The following CLBA1 variants were observed in gnomAD, a reference collection of about 807,000 sequenced individuals.
The protein encoded by CLBA1 is clathrin binding box of aftiphilin containing 1.
CLBA1 carries 30 observed loss-of-function variants against 28.8 expected under a neutral mutation model. The observed-to-expected ratio is 1.04, with a 90% CI of 0.78 to 1.41. The LOEUF is 1.41. Among genes scored for constraint, CLBA1 ranks in the 40% most tolerant of loss-of-function variants. CLBA1 has a pLI of 0.00. For missense variants in CLBA1, 451 were observed against 412.3 expected (o/e 1.09, Z -0.81); for synonymous variants, 160 against 152.8 (o/e 1.05, Z -0.35).
Position 104,986,626 on chromosome 14 carries a change from T to C in CLBA1, c.195T>C (p.Thr65=). Residue 65 remains threonine (T), a synonymous_variant, in exon 1 of 5, where the codon ACT becomes ACC. Coordinates refer to ENST00000547315, the MANE Select transcript of CLBA1 (RefSeq NM_174891.4). ...SMPREGGSTC[T]ARCPDPGEHS... ...CCCGTGAGGGCGGTTCCACCTGCAC[T>C]GCCCGATGTCCTGACCCTGGGGAAC... The C allele has an allele frequency of 1.2e-6, 2 of 1,614,080 alleles. No homozygotes were observed. The highest frequency in any genetic ancestry group is 1.7e-6 in the Non-Finnish European group (2 of 1,180,006).
chr14:104,986,674 T>G lies in CLBA1; in HGVS notation c.243T>G (p.Phe81Leu). The G allele has an allele frequency of 6.2e-7, 1 of 1,614,022 alleles. No individual in the cohort carries two copies. The highest frequency in any genetic ancestry group is 8.5e-7 in the Non-Finnish European group (1 of 1,179,990). ...AACACAGCAGCACTTGGGGGGAGTTTGAAGGCTTTCGGGAATCTTCAGCCA... is the reference window on the plus strand; with the variant it reads ...AACACAGCAGCACTTGGGGGGAGTTGGAAGGCTTTCGGGAATCTTCAGCCA... ...PGEHSSTWGE[F>L]EGFRESSAKS... The change falls in exon 1 of 5, where the codon TTT becomes TTG. Residue 81 changes from phenylalanine (F) to leucine (L), a missense_variant. Physicochemically the swap from Phe to Leu is conservative, Grantham distance 22. Coordinates refer to ENST00000547315, the MANE Select transcript of CLBA1 (RefSeq NM_174891.4).
chr14:104,987,898 A>C (rs1214549377), intron 1 of CLBA1, among the ~76,000 whole-genome samples: 2 of 151,698 alleles, frequency 1.3e-5, no homozygotes, highest in Non-Finnish European at 2.9e-5. Context: ...CGGCCTCTCA[A>C]AGTGCTGGGA....
At chr14:104,998,289 C>G (rs973404067), downstream of CLBA1, among the ~76,000 whole-genome samples, 2 of 151,924 alleles carry the variant, frequency 1.3e-5, no homozygotes, top group African/African-American at 4.8e-5. Context: ...TGGCGCTCAC[C>G]TGCAGTCCCA....
downstream of CLBA1, among the ~76,000 whole-genome samples, chr14:105,000,511 A>T (rs958380140): frequency 3.9e-5 from 6 of 152,126 alleles, no homozygotes; most frequent in Non-Finnish European, 8.8e-5. Flanking sequence ...ACCTCAGGTG[A>T]TCCACCTGCC....
rs1019733063 is a variant in CLBA1 at position 104,985,811 on chromosome 14, G to A, written c.-621G>A. 1 of 300,496 alleles carries A rather than the reference G, an allele frequency of 3.3e-6. No individual in the cohort carries two copies. Among genetic ancestry groups the A allele is most frequent in the Non-Finnish European group, 6.9e-6 (1 of 145,428 alleles). 18.6% of individuals were successfully genotyped at this position (300,496 alleles called of 1,614,324 possible). On this transcript the variant is annotated 5_prime_UTR_variant, in exon 1 of 5. Transcript: ENST00000547315. ...CCAGGCAACGGGGCGGCGCAGGCAG[G>A]AGGGAACGGCTGGTTGCAGGTTTCT...
intron 3 of CLBA1, among the ~76,000 whole-genome samples, chr14:104,992,195 CCA>C (rs1390501725): frequency 1.3e-5 from 2 of 149,132 alleles, no homozygotes; most frequent in African/African-American, 5.0e-5. Flanking sequence ...GCCACGGCCA[CCA>C]CTCACACGCC....
downstream of CLBA1, among the ~76,000 whole-genome samples, chr14:104,997,350 G>A (rs1376653940): frequency 6.6e-6 from 1 of 152,222 alleles, no homozygotes; most frequent in Non-Finnish European, 1.5e-5. Flanking sequence ...AGACGACAGA[G>A]GGTCCAAGAT....
intron 1 of CLBA1, 68 bp downstream of exon 1, chr14:104,986,922 C>A: frequency 1.3e-6 from 2 of 1,540,208 alleles, no homozygotes; most frequent in South Asian, 2.4e-5. Context: ...CTACAGCCCT[C>A]GAATGCTGTG....
chr14:104,986,520 G>T lies in CLBA1; in HGVS notation c.89G>T (p.Arg30Met). ...GCTTCCCTCCGAGTGGCACCTGAGA[G>T]GCTGAGTGATGACAGTTTGGAATGG... ...ASASLRVAPERLSDDSLEWRR... is the reference protein window; with the variant it reads ...ASASLRVAPEMLSDDSLEWRR... Residue 30 changes from arginine (R) to methionine (M), a missense_variant, in exon 1 of 5, where the codon AGG becomes ATG. By Grantham distance (91) the Arg-to-Met change is moderately conservative (BLOSUM62 -1). Transcript: ENST00000547315. 6.2e-7 allele frequency: 1 copy of T among 1,613,924 alleles called. No individual in the cohort carries two copies. The highest frequency in any genetic ancestry group is 8.5e-7 in the Non-Finnish European group (1 of 1,180,024).
At chr14:104,992,167 TGCC>T (rs1566933442) in intron 3 of CLBA1, among the ~76,000 whole-genome samples, 2 of 131,078 alleles carry the variant, frequency 1.5e-5, no homozygotes, top group African/African-American at 6.0e-5. Flanking sequence ...CACCACCACA[TGCC>T]ACCATGCACA....
intron 1 of CLBA1, among the ~76,000 whole-genome samples, chr14:104,988,326 G>C (rs560751961): frequency 6.4e-4 from 93 of 144,974 alleles, no homozygotes; most frequent in African/African-American, 2.3e-3. Context: ...ACTGTAGTAT[G>C]TATAATTTCT....
intron 4 of CLBA1, chr14:104,993,834 T>C: frequency 4.1e-6 from 4 of 985,394 alleles, no homozygotes; most frequent in Non-Finnish European, 4.8e-6. Context: ...GCTGTGAGCA[T>C]GAAGAGTGAC....
At position 104,995,194 on chromosome 14, in the gene CLBA1, C is replaced by T. The variant is rs73363354; in HGVS notation, c.*435C>T. Reference sequence around the variant, plus strand: ...TCACCAGAGAGACAGCTGTTGAGACCGCTCAGAAACCCTCTGTCTGTCACA... The same window carrying T: ...TCACCAGAGAGACAGCTGTTGAGACTGCTCAGAAACCCTCTGTCTGTCACA... On this transcript the variant is annotated 3_prime_UTR_variant, in exon 5 of 5. Transcript: ENST00000547315. 1,756 of 987,326 alleles carry T rather than the reference C, an allele frequency of 1.8e-3. 27 individuals are homozygous for T. In the African/African-American group the frequency reaches 0.028, roughly 16 times the overall value. The allele number at this position is 987,326 out of a possible 1,614,324, so 61.2% of individuals were successfully genotyped here.
At position 104,986,643 on chromosome 14, in the gene CLBA1, C is replaced by T. The variant is rs1044489206; in HGVS notation, c.212C>T (p.Pro71Leu). 1.2e-6 allele frequency: 2 copies of T among 1,613,966 alleles called. No individual in the cohort carries two copies. Among genetic ancestry groups the T allele is most frequent in the African/African-American group, 1.3e-5 (1 of 74,912 alleles). Residue 71 changes from proline to leucine, a missense_variant, in exon 1 of 5, where the codon CCT becomes CTT. Transcript: ENST00000547315. ...ACCTGCACTGCCCGATGTCCTGACCCTGGGGAACACAGCAGCACTTGGGGG... is the reference window on the plus strand; with the variant it reads ...ACCTGCACTGCCCGATGTCCTGACCTTGGGGAACACAGCAGCACTTGGGGG... ...GSTCTARCPD[P>L]GEHSSTWGEF...
At chr14:104,989,726 C>G (rs1221270575) in intron 2 of CLBA1, 1 of 455,354 alleles carries the variant, frequency 2.2e-6, no homozygotes, top group African/African-American at 2.0e-5. Flanking sequence ...GCCCAAGGCC[C>G]CAGAGGGAGG....
chr14:104,991,238 C>T, intron 2 of CLBA1: 1 of 325,670 alleles, frequency 3.1e-6, no homozygotes, highest in Non-Finnish European at 5.8e-6. Context: ...GTTGGCCAGG[C>T]AGATCTTGAA....
Position 104,994,880 on chromosome 14 carries a change from C to T in CLBA1, c.*121C>T, listed in dbSNP as rs1433780293. On this transcript the variant is annotated 3_prime_UTR_variant, in exon 5 of 5. Transcript: ENST00000547315. ...GACCCCAGGCCCATTCCTGGGATCT[C>T]TCCAACAGGACCTGTCCTGTGTTCT... is the stretch of plus-strand genomic sequence containing the variant. 8 of 1,458,548 alleles carry T rather than the reference C, an allele frequency of 5.5e-6. No homozygotes were observed. In the African/African-American group the frequency reaches 1.1e-4, roughly 21 times the overall value. 90.4% of individuals were successfully genotyped at this position (1,458,548 alleles called of 1,614,324 possible). A position where few individuals can be genotyped will look rare whatever the true frequency, so the allele number is the denominator to read the frequency against.
downstream of CLBA1, among the ~76,000 whole-genome samples, chr14:104,997,657 C>T (rs1359298404): frequency 1.3e-5 from 2 of 152,188 alleles, no homozygotes; most frequent in Non-Finnish European, 2.9e-5. Flanking sequence ...CACGCACGCA[C>T]CCACATCTGC....
intron 4 of CLBA1, 34 bp from the exon 5 acceptor site, chr14:104,994,564 G>T (rs1268508191): frequency 5.1e-6 from 8 of 1,575,902 alleles, no homozygotes; most frequent in South Asian, 1.1e-5. Context: ...ATTGCCCGGG[G>T]TGCGCGCGCC....
Sources: allele counts gnomAD v4.1 joint callset (sites outside exome capture counted in the v4.1 genomes callset), GRCh38; gene constraint gnomAD v4.1.1; transcripts MANE v1.5; gene names NCBI Gene and HGNC (gene_info 2026-07-23, HGNC 2026-07-21).